Variants in UBR1 observed in about 807,000 individuals in gnomAD.
UBR1 encodes ubiquitin protein ligase E3 component n-recognin 1.
UBR1 carries 102 observed loss-of-function variants against 242.1 expected under a neutral mutation model. That is an observed-to-expected ratio of 0.42 (90% CI 0.36 to 0.50). The LOEUF is 0.50. Ranked by LOEUF, UBR1 falls within the 20% of genes least tolerant of loss-of-function variation. The pLI is 0.01. For missense variants in UBR1, 1,772 were observed against 2,101.8 expected, an observed-to-expected ratio of 0.84 and a Z score of 3.07; for synonymous variants, 675 against 684.8, an observed-to-expected ratio of 0.99 and a Z score of 0.22.
chr15:43,009,281 A>G (rs1028580770), intron 29 of UBR1, among the ~76,000 whole-genome samples: 24 of 152,222 alleles, frequency 1.6e-4, no homozygotes, highest in African/African-American at 5.8e-4. Flanking sequence ...GAGTCCCTGC[A>G]GCGGAACCTG....
intron 30 of UBR1, among the ~76,000 whole-genome samples, chr15:43,005,946 A>C (rs1377995559): frequency 1.3e-5 from 2 of 150,132 alleles, no homozygotes; most frequent in Non-Finnish European, 3.0e-5. Flanking sequence ...GGACACAAAC[A>C]CTGCGGAAGG....
rs573476087 is a variant in UBR1 at position 43,001,444 on chromosome 15, G to A, written c.3659+1111C>T. On this transcript the variant is annotated intron_variant, in intron 32 of 46. Transcript: ENST00000290650. ...TTACAGGTGTAAGCCATGGCGTCCCGCCAGAGCAAGTCTTTATATTGACCC... is the reference window on the plus strand; with the variant it reads ...TTACAGGTGTAAGCCATGGCGTCCCACCAGAGCAAGTCTTTATATTGACCC... Among the ~76,000 whole-genome samples the A allele has an allele frequency of 4.6e-5, 7 of 152,324 alleles. No homozygotes were observed. In the South Asian group the frequency reaches 1.0e-3, roughly 23 times the overall value.
intron 33 of UBR1, among the ~76,000 whole-genome samples, chr15:42,992,870 G>T (rs924590630): frequency 6.6e-6 from 1 of 152,114 alleles, no homozygotes; most frequent in Non-Finnish European, 1.5e-5. Flanking sequence ...ACGAGGCAAA[G>T]ACAGAAAAAA....
At chr15:43,010,046 G>C (rs139965701) in intron 29 of UBR1, among the ~76,000 whole-genome samples, 202 of 152,138 alleles carry the variant, frequency 1.3e-3, no homozygotes, top group African/African-American at 4.8e-3. Flanking sequence ...TAATTTTTTT[G>C]TATTTTTAGT....
intron 25 of UBR1, among the ~76,000 whole-genome samples, chr15:43,023,899 A>C (rs761829846): frequency 1.3e-5 from 2 of 152,230 alleles, no homozygotes; most frequent in Non-Finnish European, 2.9e-5. Context: ...AAACATTTGT[A>C]TAAGAACGTA....
Position 43,032,628 on chromosome 15 carries a change from A to C in UBR1, c.2194T>G (p.Leu732Val), listed in dbSNP as rs2033271252. Reference sequence around the variant, plus strand: ...ATTAGTGTATTATATTGTTTAATCAAATCCTATAGAATCGAAAAAGAGTAA... The same window carrying C: ...ATTAGTGTATTATATTGTTTAATCACATCCTATAGAATCGAAAAAGAGTAA... ...NKTISTKDQDLIKQYNTLIEE... is the reference protein window; with the variant it reads ...NKTISTKDQDVIKQYNTLIEE... The change falls in exon 20 of 47, where the codon TTG becomes GTG. Residue 732 changes from leucine to valine, a missense_variant. Coordinates refer to ENST00000290650, the MANE Select transcript of UBR1 (RefSeq NM_174916.3). The C allele has an allele frequency of 1.3e-6, 2 of 1,504,192 alleles. No individual in the cohort carries two copies. Among genetic ancestry groups the C allele is most frequent in the South Asian group, 1.1e-5 (1 of 87,306 alleles). 93.2% of individuals were successfully genotyped at this position (1,504,192 alleles called of 1,614,324 possible).
At chr15:42,986,685 G>A (rs1004150326) in intron 35 of UBR1, among the ~76,000 whole-genome samples, 1 of 152,180 alleles carries the variant, frequency 6.6e-6, no homozygotes, top group Non-Finnish European at 1.5e-5. Flanking sequence ...CTATACCCAT[G>A]ATTTAAGTCT....
chr15:43,060,016 T>G (rs759473310), intron 7 of UBR1, 36 bp downstream of exon 7: 1 of 1,608,408 alleles, frequency 6.2e-7, no homozygotes, highest in South Asian at 1.1e-5. Flanking sequence ...ACATTCATCT[T>G]TAACTTCTCT....
At chr15:43,006,221 A>G (rs964598927) in intron 30 of UBR1, among the ~76,000 whole-genome samples, 1 of 152,096 alleles carries the variant, frequency 6.6e-6, no homozygotes, top group African/African-American at 2.4e-5. Context: ...CAGGTCCTTC[A>G]TCTATAAAAT....
intron 28 of UBR1, 114 bp from the exon 29 acceptor site, chr15:43,015,983 C>T (rs2033018291): frequency 1.2e-5 from 11 of 893,974 alleles, no homozygotes; most frequent in Non-Finnish European, 1.7e-5. Context: ...TTACCCCTTA[C>T]ATCCTGGATT....
chr15:43,061,590 T>C (rs966736144), intron 6 of UBR1, among the ~76,000 whole-genome samples: 8 of 151,978 alleles, frequency 5.3e-5, no homozygotes, highest in African/African-American at 1.7e-4. Context: ...CACATATATG[T>C]ATATATACAC....
At chr15:43,036,118 G>T in intron 19 of UBR1, 60 bp downstream of exon 19, 1 of 1,367,988 alleles carries the variant, frequency 7.3e-7, no homozygotes, top group South Asian at 1.2e-5. Flanking sequence ...AATAAAATAT[G>T]ACTGAAATAG....
chr15:42,950,360 G>A lies in UBR1; in HGVS notation c.5010C>T (p.Ile1670=). Reference sequence around the variant, plus strand: ...CAACCAGGACCACTCGGCATTCTCTGATTCTGAAAGAGAAAATCAATAGGA... The same window carrying A: ...CAACCAGGACCACTCGGCATTCTCTAATTCTGAAAGAGAAAATCAATAGGA... ...CGAGVCIFLK[I]RECRVVLVEG... Residue 1670 remains isoleucine (I), a synonymous_variant, in exon 46 of 47, where the codon ATC becomes ATT. Transcript: ENST00000290650. 1 of 1,613,448 alleles carries A rather than the reference G, an allele frequency of 6.2e-7. No individual in the cohort carries two copies. Among genetic ancestry groups the A allele is most frequent in the Non-Finnish European group, 8.5e-7 (1 of 1,179,380 alleles).
intron 28 of UBR1, 49 bp downstream of exon 28, chr15:43,017,046 A>G: frequency 6.7e-7 from 1 of 1,481,572 alleles, no homozygotes; most frequent in Non-Finnish European, 9.4e-7. Flanking sequence ...TAAAGTTCAA[A>G]GACAGAGATG....
At chr15:43,091,304 A>C (rs2034103552) in intron 1 of UBR1, among the ~76,000 whole-genome samples, 2 of 152,188 alleles carry the variant, frequency 1.3e-5, no homozygotes, top group South Asian at 4.1e-4. Flanking sequence ...TGGGCATCCC[A>C]CACCCAAAAA....
At chr15:43,015,336 A>G (rs938582847) in intron 29 of UBR1, among the ~76,000 whole-genome samples, 3 of 152,070 alleles carry the variant, frequency 2.0e-5, no homozygotes, top group African/African-American at 7.2e-5. Context: ...TTGATCTATG[A>G]CCTTACCCCC....
Position 43,032,553 on chromosome 15 carries a change from G to C in UBR1, c.2254+15C>G. The C allele has an allele frequency of 6.6e-7, 1 of 1,507,570 alleles. No individual in the cohort carries two copies. The highest frequency in any genetic ancestry group is 9.2e-7 in the Non-Finnish European group (1 of 1,089,378). 93.4% of individuals were successfully genotyped at this position (1,507,570 alleles called of 1,614,324 possible). On this transcript the variant is annotated intron_variant, in intron 20 of 46. Coordinates refer to ENST00000290650, the MANE Select transcript of UBR1 (RefSeq NM_174916.3). ...AACCCATGTTCTATTTCAAAACATT[G>C]TGTTTTAATCTTACCCACAATATAG... is the stretch of plus-strand genomic sequence containing the variant.
intron 12 of UBR1, 99 bp from the exon 13 acceptor site, chr15:43,048,590 G>T: frequency 2.2e-6 from 2 of 918,842 alleles, no homozygotes; most frequent in South Asian, 3.1e-5. Flanking sequence ...AAAAATTATG[G>T]ATTCTAATTT....
chr15:43,070,857 T>C lies in UBR1; in HGVS notation c.597A>G (p.Lys199=), dbSNP rs1428256681. Residue 199 remains lysine (K), a synonymous_variant, in exon 5 of 47, where the codon AAA becomes AAG. Transcript: ENST00000290650. Reference sequence around the variant, plus strand: ...CCCATATAGTCATTTCTACGACATATTTTATCACTGAAGGAAATATTTTCC... The same window carrying C: ...CCCATATAGTCATTTCTACGACATACTTTATCACTGAAGGAAATATTTTCC... ...QARKIFPSVI[K]YVVEMTIWEE... The C allele has an allele frequency of 1.2e-6, 2 of 1,613,890 alleles. No individual in the cohort carries two copies. Among genetic ancestry groups the C allele is most frequent in the Non-Finnish European group, 1.7e-6 (2 of 1,179,974 alleles).
Sources: allele counts gnomAD v4.1 joint callset (sites outside exome capture counted in the v4.1 genomes callset), GRCh38; gene constraint gnomAD v4.1.1; transcripts MANE v1.5; gene names NCBI Gene and HGNC (gene_info 2026-07-23, HGNC 2026-07-21).